GLRA2: variants seen among roughly 807,000 people sequenced by gnomAD.
The protein encoded by GLRA2 is glycine receptor subunit alpha-2.
Under a neutral mutation model 31.6 loss-of-function variants are expected in GLRA2, and 11 were observed. That is an observed-to-expected ratio of 0.35 (90% CI 0.22 to 0.58). The LOEUF is 0.58. Ranked by LOEUF, GLRA2 falls within the 20% of genes least tolerant of loss-of-function variation. GLRA2 has a pLI of 0.84. For missense variants in GLRA2, 212 were observed against 351.8 expected (o/e 0.60, Z 3.18); for synonymous variants, 132 against 134.0 (o/e 0.99, Z 0.10).
intron 3 of GLRA2, among the ~76,000 whole-genome samples, chrX:14,577,461 T>G (rs2089969275): frequency 8.9e-6 from 1 of 112,668 alleles, no homozygotes; most frequent in Admixed American, 9.4e-5. Flanking sequence ...TACACCAGTC[T>G]TAATTAGCTC....
intron 7 of GLRA2, among the ~76,000 whole-genome samples, chrX:14,649,091 G>A (rs1169091702): frequency 9.1e-6 from 1 of 110,360 alleles, no homozygotes; most frequent in Non-Finnish European, 1.9e-5. Flanking sequence ...GCACGTGCCT[G>A]TAGTCCCAAC....
chrX:14,693,335 A>G (rs1315266454), intron 8 of GLRA2, among the ~76,000 whole-genome samples: 4 of 112,025 alleles, frequency 3.6e-5, no homozygotes, highest in Non-Finnish European at 7.5e-5. Context: ...CTCCATTAAT[A>G]TTAGATAAAG....
At chrX:14,633,878 C>T (rs189781219) in intron 7 of GLRA2, among the ~76,000 whole-genome samples, 7 of 111,725 alleles carry the variant, frequency 6.3e-5, no homozygotes, top group Admixed American at 4.7e-4. Context: ...ATCTAATTAC[C>T]TTCCACAAGG....
chrX:14,649,392 G>C (rs764041472), intron 7 of GLRA2, among the ~76,000 whole-genome samples: 1 of 110,915 alleles, frequency 9.0e-6, no homozygotes, highest in Non-Finnish European at 1.9e-5. Flanking sequence ...AGTAGGATGA[G>C]TATGAATACT....
intron 7 of GLRA2, among the ~76,000 whole-genome samples, chrX:14,686,672 A>G (rs1263907481): frequency 9.0e-6 from 1 of 111,014 alleles, no homozygotes; most frequent in Non-Finnish European, 1.9e-5. Flanking sequence ...TGCTTCGTAG[A>G]TCTTCCTCCA....
the GLRA2 span, among the ~76,000 whole-genome samples, chrX:14,512,805 G>A: frequency 9.0e-6 from 1 of 111,439 alleles, no homozygotes; most frequent in Admixed American, 9.5e-5. Context: ...TTCATGAATG[G>A]GTAGAATCAA....
chrX:14,566,991 A>T (rs1181740982), intron 2 of GLRA2, among the ~76,000 whole-genome samples: 2 of 110,654 alleles, frequency 1.8e-5, no homozygotes, highest in Admixed American at 1.9e-4. Flanking sequence ...AAAAACTCTT[A>T]AACTTTCACG....
chrX:14,473,567 C>A, the GLRA2 span, among the ~76,000 whole-genome samples: 1 of 112,074 alleles, frequency 8.9e-6, no homozygotes, highest in Non-Finnish European at 1.9e-5. Context: ...CTGTGTTACT[C>A]CAGGTTTCCT....
chrX:14,484,138 A>G, the GLRA2 span, among the ~76,000 whole-genome samples: 3 of 111,838 alleles, frequency 2.7e-5, no homozygotes, highest in Admixed American at 9.5e-5. Context: ...ATGTATATAT[A>G]TTCCATTAGT....
At chrX:14,482,429 G>A in the GLRA2 span, among the ~76,000 whole-genome samples, 1 of 110,903 alleles carries the variant, frequency 9.0e-6, no homozygotes. Flanking sequence ...AGCAATGCAG[G>A]AAGTGGAGGG....
intron 2 of GLRA2, among the ~76,000 whole-genome samples, chrX:14,557,102 CTTTTTTTTTTT>C (rs58282642): frequency 2.2e-5 from 1 of 46,357 alleles, no homozygotes; most frequent in Non-Finnish European, 3.5e-5. Context: ...TAAAGTATTT[CTTTTTTTTTTT>C]TTTTTTTTTT....
chrX:14,655,948 C>T (rs1225078469), intron 7 of GLRA2, among the ~76,000 whole-genome samples: 1 of 111,895 alleles, frequency 8.9e-6, no homozygotes, highest in East Asian at 2.8e-4. Flanking sequence ...GTCACTTACA[C>T]TCTAGAACCT....
intron 8 of GLRA2, among the ~76,000 whole-genome samples, chrX:14,704,708 CT>C (rs1180921773): frequency 8.9e-6 from 1 of 111,796 alleles, no homozygotes; most frequent in African/African-American, 3.3e-5. Flanking sequence ...GAAACGACCC[CT>C]GCCTTCTTAG....
the GLRA2 span, among the ~76,000 whole-genome samples, chrX:14,507,686 ATTCT>A: frequency 1.8e-5 from 1 of 56,053 alleles, no homozygotes; most frequent in South Asian, 7.5e-4. Flanking sequence ...TACGAAAGAC[ATTCT>A]TTTTTTTTTT....
intron 8 of GLRA2, among the ~76,000 whole-genome samples, chrX:14,729,450 G>C (rs1943201030): frequency 9.0e-6 from 1 of 110,821 alleles, no homozygotes; most frequent in African/African-American, 3.3e-5. Context: ...TTACACCAAG[G>C]AATAAATACA....
intron 2 of GLRA2, among the ~76,000 whole-genome samples, chrX:14,537,970 GC>G (rs1377806835): frequency 1.6e-4 from 17 of 106,932 alleles, no homozygotes; most frequent in African/African-American, 5.8e-4. Flanking sequence ...TGTTCATACA[GC>G]TTTTGTGTGC....
At chrX:14,568,981 G>C (rs1436310564) in intron 2 of GLRA2, among the ~76,000 whole-genome samples, 1 of 111,539 alleles carries the variant, frequency 9.0e-6, no homozygotes, top group Non-Finnish European at 1.9e-5. Context: ...AAGGCCAAGT[G>C]TGGTGGCTCA....
intron 8 of GLRA2, among the ~76,000 whole-genome samples, chrX:14,708,884 C>T (rs755446936): frequency 9.1e-6 from 1 of 109,915 alleles, no homozygotes; most frequent in Non-Finnish European, 1.9e-5. Flanking sequence ...TGCGGTGAGC[C>T]GAGATCGCGC....
intron 2 of GLRA2, among the ~76,000 whole-genome samples, chrX:14,551,781 A>G (rs2089569144): frequency 9.0e-6 from 1 of 111,660 alleles, no homozygotes; most frequent in African/African-American, 3.3e-5. Context: ...TCATTTGGGC[A>G]TAGTGAGAGA....
Sources: allele counts gnomAD v4.1 joint callset (sites outside exome capture counted in the v4.1 genomes callset), GRCh38; gene constraint gnomAD v4.1.1; transcripts MANE v1.5; gene names NCBI Gene and HGNC (gene_info 2026-07-23, HGNC 2026-07-21).